DLEU7: variants seen among roughly 807,000 people sequenced by gnomAD.
DLEU7 encodes deleted in lymphocytic leukemia 7.
A neutral mutation model predicts 16.0 loss-of-function variants in DLEU7; 17 were observed. The observed-to-expected ratio is 1.06, with a 90% CI of 0.73 to 1.59. The LOEUF (loss-of-function observed/expected upper bound fraction) is 1.59. Among genes scored for constraint, DLEU7 ranks in the 40% most tolerant of loss-of-function variants. DLEU7 has a pLI of 0.00. For synonymous variants in DLEU7, 113 were observed against 139.8 expected, an observed-to-expected ratio of 0.81 and a Z score of 1.35; for missense variants, 308 against 314.9, an observed-to-expected ratio of 0.98 and a Z score of 0.17.
At chr13:50,718,715 C>T (rs1873507403) in intron 1 of DLEU7, among the ~76,000 whole-genome samples, 1 of 152,160 alleles carries the variant, frequency 6.6e-6, no homozygotes, top group Admixed American at 6.5e-5. Flanking sequence ...CATTAAAGTC[C>T]TTTTGATCAG....
chr13:50,737,028 A>G (rs1160440025), intron 1 of DLEU7, among the ~76,000 whole-genome samples: 1 of 152,174 alleles, frequency 6.6e-6, no homozygotes, highest in East Asian at 1.9e-4. Context: ...TCACAGGAAA[A>G]AAATTATCCA....
chr13:50,782,257 G>T (rs1441885061), intron 1 of DLEU7, among the ~76,000 whole-genome samples: 1 of 152,140 alleles, frequency 6.6e-6, no homozygotes, highest in Non-Finnish European at 1.5e-5. Flanking sequence ...ACAGTGACTG[G>T]CATGGTTCCT....
At chr13:50,736,050 G>A (rs1005953267) in intron 1 of DLEU7, among the ~76,000 whole-genome samples, 1 of 152,108 alleles carries the variant, frequency 6.6e-6, no homozygotes, top group African/African-American at 2.4e-5. Flanking sequence ...GAAAATACAT[G>A]CGTGTGTACG....
At position 50,750,547 on chromosome 13, in the gene DLEU7, T is replaced by C. The variant is rs150819792; in HGVS notation, c.460-37307A>G. ...TGGCAGTATGGTCATTTTCACAATA[T>C]TGATTCAACCCATTCATGAGCATGG... On this transcript the variant is annotated intron_variant, in intron 1 of 1. Transcript: ENST00000400393. Among the ~76,000 whole-genome samples, 534 of 152,348 alleles carry C rather than the reference T, an allele frequency of 3.5e-3. 4 individuals are homozygous for C. Among genetic ancestry groups the C allele is most frequent in the African/African-American group, 0.011 (445 of 41,574 alleles).
chr13:50,843,699 G>T, upstream of DLEU7: 3 of 1,479,224 alleles, frequency 2.0e-6, no homozygotes, highest in Non-Finnish European at 2.7e-6. The surrounding 1 kb of genome is among the most constrained non-coding windows in gnomAD (Gnocchi z 5.7). Flanking sequence ...CAGCAGCGAG[G>T]GAGGCGGGGG....
At chr13:50,762,258 T>C (rs1242136318) in intron 1 of DLEU7, among the ~76,000 whole-genome samples, 1 of 151,134 alleles carries the variant, frequency 6.6e-6, no homozygotes, top group East Asian at 1.9e-4. Flanking sequence ...AAAAGACTTA[T>C]ATGTTTAGTT....
At chr13:50,730,274 T>C (rs1873880602) in intron 1 of DLEU7, among the ~76,000 whole-genome samples, 1 of 152,040 alleles carries the variant, frequency 6.6e-6, no homozygotes, top group Admixed American at 6.6e-5. Flanking sequence ...TAAGCAGATC[T>C]GAGCAACTCA....
intron 1 of DLEU7, among the ~76,000 whole-genome samples, chr13:50,761,581 T>C (rs530654452): frequency 6.6e-6 from 1 of 151,972 alleles, no homozygotes; most frequent in African/African-American, 2.4e-5. Flanking sequence ...TCCCATCCAA[T>C]GCCTGCACCA....
At chr13:50,727,461 T>A (rs893444082) in intron 1 of DLEU7, among the ~76,000 whole-genome samples, 6 of 152,166 alleles carry the variant, frequency 3.9e-5, no homozygotes, top group Non-Finnish European at 7.3e-5. Context: ...TGATTTCATA[T>A]TTGCATGCAA....
chr13:50,758,025 A>ATTTTTTTTTTTTTTTTTTT (rs5803530), intron 1 of DLEU7, among the ~76,000 whole-genome samples: 1 of 89,110 alleles, frequency 1.1e-5, no homozygotes, highest in African/African-American at 5.0e-5. Flanking sequence ...CATTACCAAG[A>ATTTTTTTTTTTTTTTTTTT]TTTTTTTTTT....
At chr13:50,738,162 G>T (rs1159652354) in intron 1 of DLEU7, among the ~76,000 whole-genome samples, 1 of 152,142 alleles carries the variant, frequency 6.6e-6, no homozygotes, top group African/African-American at 2.4e-5. Flanking sequence ...GAAATGCTTG[G>T]AACTAGCAGA....
intron 1 of DLEU7, among the ~76,000 whole-genome samples, chr13:50,757,787 G>A (rs1327914262): frequency 6.6e-6 from 1 of 152,132 alleles, no homozygotes; most frequent in Non-Finnish European, 1.5e-5. Flanking sequence ...CTTCAAATAA[G>A]CAATGTGATG....
chr13:50,751,304 T>C (rs1268315456), intron 1 of DLEU7, among the ~76,000 whole-genome samples: 1 of 152,194 alleles, frequency 6.6e-6, no homozygotes, highest in African/African-American at 2.4e-5. Flanking sequence ...TGGATTATCT[T>C]TTTGATATGT....
At chr13:50,713,224 T>C in exon 2 of DLEU7, 2 of 1,611,388 alleles carry the variant, frequency 1.2e-6, no homozygotes, top group Non-Finnish European at 1.7e-6. Flanking sequence ...TCTTCACTCA[T>C]TAGCCAGGAG....
rs144438687 is a variant in DLEU7 at position 50,763,776 on chromosome 13, C to T, written c.460-50536G>A. Among the ~76,000 whole-genome samples, 902 of 152,316 alleles carry T rather than the reference C, an allele frequency of 5.9e-3. 7 individuals carry two copies. Among genetic ancestry groups the T allele is most frequent in the Middle Eastern group, 0.017 (5 of 294 alleles). Reference sequence around the variant, plus strand: ...CCCATCTTCCTTTCAGAATCAGCCCCGTCACTGACTTGCTGTCTGACCAGA... The same window carrying T: ...CCCATCTTCCTTTCAGAATCAGCCCTGTCACTGACTTGCTGTCTGACCAGA... On this transcript the variant is annotated intron_variant, in intron 1 of 1. Coordinates refer to the DLEU7 transcript ENST00000400393.
At chr13:50,816,269 A>G (rs1876732068) in intron 1 of DLEU7, among the ~76,000 whole-genome samples, 1 of 152,154 alleles carries the variant, frequency 6.6e-6, no homozygotes, top group Non-Finnish European at 1.5e-5. Context: ...GAAAATGGAT[A>G]GAATAGCTTA....
intron 1 of DLEU7, among the ~76,000 whole-genome samples, chr13:50,757,791 T>A (rs1410380426): frequency 6.6e-6 from 1 of 152,178 alleles, no homozygotes; most frequent in Non-Finnish European, 1.5e-5. Flanking sequence ...AAATAAGCAA[T>A]GTGATGTTAG....
intron 1 of DLEU7, among the ~76,000 whole-genome samples, chr13:50,783,301 T>C (rs1875705688): frequency 6.6e-6 from 1 of 152,184 alleles, no homozygotes; most frequent in African/African-American, 2.4e-5. Flanking sequence ...AAATAAACTA[T>C]CTGAACCAAA....
chr13:50,741,893 A>G (rs1044863260), intron 1 of DLEU7, among the ~76,000 whole-genome samples: 1 of 152,322 alleles, frequency 6.6e-6, no homozygotes, highest in Non-Finnish European at 1.5e-5. Flanking sequence ...CCAAATGCAC[A>G]GTACGTGCAA....
Sources: gnomAD v4.1 joint callset for allele counts (sites outside exome capture counted in the v4.1 genomes callset) on GRCh38, gnomAD v4.1.1 for gene constraint, Gnocchi (gnomAD v3.1) non-coding constraint, MANE v1.5 for transcripts, NCBI Gene and HGNC (gene_info 2026-07-23, HGNC 2026-07-21) for gene names.